Variants in MYO1D observed in about 807,000 individuals in gnomAD.
MYO1D encodes the protein myosin ID.
Under a neutral mutation model 122.0 loss-of-function variants are expected in MYO1D, and 83 were observed. That is an observed-to-expected ratio of 0.68 (90% CI 0.57 to 0.82). The LOEUF is 0.82. Ranked by LOEUF, MYO1D falls within the 40% of genes least tolerant of loss-of-function variation. The pLI is 0.00. For missense variants in MYO1D, 1,157 were observed against 1,269.5 expected (o/e 0.91, Z 1.35); for synonymous variants, 464 against 446.9 (o/e 1.04, Z -0.48).
chr17:32,765,645 A>G (rs1040112209), intron 7 of MYO1D, among the ~76,000 whole-genome samples: 1 of 151,924 alleles, frequency 6.6e-6, no homozygotes, highest in African/African-American at 2.4e-5. Context: ...TTTTTAGTAG[A>G]GACAGGGTTT....
intron 14 of MYO1D, among the ~76,000 whole-genome samples, chr17:32,725,840 A>G (rs2089565514): frequency 6.6e-6 from 1 of 152,184 alleles, no homozygotes; most frequent in South Asian, 2.1e-4. Context: ...TGAAAATCAA[A>G]GCAGCCAGAG....
intron 16 of MYO1D, among the ~76,000 whole-genome samples, chr17:32,685,395 GC>G (rs2088991194): frequency 6.6e-6 from 1 of 152,196 alleles, no homozygotes; most frequent in Non-Finnish European, 1.5e-5. Context: ...CTTCAAGAAA[GC>G]AGCTGGTGAG....
intron 17 of MYO1D, among the ~76,000 whole-genome samples, chr17:32,655,637 A>G (rs2088466132): frequency 6.6e-6 from 1 of 152,198 alleles, no homozygotes; most frequent in African/African-American, 2.4e-5. Flanking sequence ...GGTGCGTCAG[A>G]GGAGCAGTGT....
intron 6 of MYO1D, 86 bp from the exon 7 acceptor site, chr17:32,767,838 G>T: frequency 2.1e-6 from 2 of 956,402 alleles, no homozygotes; most frequent in Non-Finnish European, 3.2e-6. Flanking sequence ...TTATACCAAG[G>T]TTTTGCCTTC....
intron 21 of MYO1D, among the ~76,000 whole-genome samples, chr17:32,567,169 T>G (rs2087181763): frequency 6.6e-6 from 1 of 151,540 alleles, no homozygotes. Flanking sequence ...GAGCAGGAAA[T>G]GAAAAAAGAA....
At chr17:32,666,639 A>T (rs1051544538) in intron 16 of MYO1D, among the ~76,000 whole-genome samples, 1 of 152,244 alleles carries the variant, frequency 6.6e-6, no homozygotes, top group Non-Finnish European at 1.5e-5. Flanking sequence ...GCAATTATGT[A>T]TCTTCCGTTT....
Position 32,654,073 on chromosome 17 carries a change from C to T in MYO1D, c.2491-126G>A, listed in dbSNP as rs1039025782. ...CACACATGCACTCTTTATCTCCTCA[C>T]CCCAGATGGTAAGCTACTAAATGGT... is the stretch of plus-strand genomic sequence containing the variant. On this transcript the variant is annotated intron_variant, in intron 18 of 21. Coordinates refer to ENST00000318217, the MANE Select transcript of MYO1D (RefSeq NM_015194.3). 19 of 689,462 alleles carry T rather than the reference C, an allele frequency of 2.8e-5. No individual in the cohort carries two copies. The South Asian group carries it at 2.8e-4, about 10-fold the overall frequency. 42.7% of individuals were successfully genotyped at this position (689,462 alleles called of 1,614,324 possible).
intron 1 of MYO1D, chr17:32,792,679 G>A (rs189315706): frequency 6.6e-6 from 1 of 152,164 alleles, no homozygotes; most frequent in Admixed American, 6.6e-5. Flanking sequence ...GTCTCGTTCT[G>A]TCACTTAGGC....
chr17:32,778,632 T>C (rs2090204509), intron 2 of MYO1D, 59 bp from the exon 3 acceptor site: 2 of 1,392,154 alleles, frequency 1.4e-6, no homozygotes, highest in Non-Finnish European at 2.0e-6. Context: ...GTAAGCTAAT[T>C]TTTAATAGAA....
rs767583015 is a variant in MYO1D at position 32,654,497 on chromosome 17, C to G, written c.2470G>C (p.Glu824Gln). Residue 824 changes from glutamate (E) to glutamine (Q), a missense_variant, in exon 18 of 22, where the codon GAG becomes CAG. Glu to Gln is a conservative substitution (Grantham distance 29, BLOSUM62 2). Coordinates refer to ENST00000318217, the MANE Select transcript of MYO1D (RefSeq NM_015194.3). ...CTTACTGAAGCAAGATAGTTGCCCT[C>G]CCAGGCCCTCTGGAGCCCGAGGTCA... Reference protein sequence around the residue: ...RADLGLQRAWEGNYLASKPDT... With the variant: ...RADLGLQRAWQGNYLASKPDT... The G allele has an allele frequency of 1.9e-5, 30 of 1,613,450 alleles. No homozygotes were observed. The highest frequency in any genetic ancestry group is 2.3e-5 in the Non-Finnish European group (27 of 1,179,766).
Position 32,796,557 on chromosome 17 carries a change from C to T in MYO1D, c.96-15773G>A, listed in dbSNP as rs562285359. On this transcript the variant is annotated intron_variant, in intron 1 of 21. Coordinates refer to ENST00000318217, the MANE Select transcript of MYO1D (RefSeq NM_015194.3). ...CTTCCTGAGTAGCTGGGACTACAGG[C>T]GCGGGCCACCACATCCAGCTAATTT... Among the ~76,000 whole-genome samples, 94 of 152,220 alleles carry T rather than the reference C, an allele frequency of 6.2e-4. No homozygotes were observed. The South Asian group carries it at 0.019, about 31-fold the overall frequency.
intron 21 of MYO1D, chr17:32,594,307 A>C (rs2087468729): frequency 2.7e-6 from 1 of 366,812 alleles, no homozygotes; most frequent in South Asian, 1.1e-4. Context: ...CCATTATAAC[A>C]GTAAATTCTG....
chr17:32,681,656 G>A (rs576214628), intron 16 of MYO1D, among the ~76,000 whole-genome samples: 6 of 151,840 alleles, frequency 4.0e-5, no homozygotes, highest in Non-Finnish European at 7.4e-5. Flanking sequence ...TTGCTGAGGA[G>A]AGCTTTACTT....
At chr17:32,777,758 C>A (rs988684928) in intron 3 of MYO1D, among the ~76,000 whole-genome samples, 4 of 151,752 alleles carry the variant, frequency 2.6e-5, no homozygotes, top group Admixed American at 1.3e-4. Context: ...ACAGTGAAAC[C>A]CCGTCTCTAC....
chr17:32,522,853 G>T (rs866144981), intron 21 of MYO1D, among the ~76,000 whole-genome samples: 14 of 145,256 alleles, frequency 9.6e-5, no homozygotes, highest in Middle Eastern at 3.4e-3. Context: ...GTCTCGCTCT[G>T]TCGCCCAGGC....
chr17:32,517,984 C>T (rs953470789), intron 21 of MYO1D, among the ~76,000 whole-genome samples: 1 of 151,930 alleles, frequency 6.6e-6, no homozygotes, highest in African/African-American at 2.4e-5. Flanking sequence ...TCTGCCATCA[C>T]CCTCTGGACA....
At position 32,644,711 on chromosome 17, in the gene MYO1D, G is replaced by A. The variant is rs1177648220; in HGVS notation, c.2596-5876C>T. Among the ~76,000 whole-genome samples, 11 of 152,182 alleles carry A rather than the reference G, an allele frequency of 7.2e-5. No homozygotes were observed. In the South Asian group the frequency reaches 1.7e-3, roughly 23 times the overall value. ...TTTGATCTTCGTTGGTTTAAGGTCC[G>A]TTTTATCAGAGACTAGGATTGCAAC... On this transcript the variant is annotated intron_variant, in intron 19 of 21. Coordinates refer to ENST00000318217, the MANE Select transcript of MYO1D (RefSeq NM_015194.3).
intron 20 of MYO1D, among the ~76,000 whole-genome samples, chr17:32,617,033 T>C (rs1367131484): frequency 6.6e-6 from 1 of 152,016 alleles, no homozygotes; most frequent in Admixed American, 6.6e-5. Flanking sequence ...ATACAAAAAT[T>C]AGCTGGGCAT....
chr17:32,731,026 C>T (rs1033397788), intron 14 of MYO1D, among the ~76,000 whole-genome samples: 1 of 151,928 alleles, frequency 6.6e-6, no homozygotes, highest in Non-Finnish European at 1.5e-5. Flanking sequence ...CCTTCCTCAG[C>T]CTTCTGAGTA....
Sources: gnomAD v4.1 joint callset for allele counts (sites outside exome capture counted in the v4.1 genomes callset) on GRCh38, gnomAD v4.1.1 for gene constraint, MANE v1.5 for transcripts, NCBI Gene and HGNC (gene_info 2026-07-23, HGNC 2026-07-21) for gene names.